SBF2: variants seen among roughly 807,000 people sequenced by gnomAD.
The protein encoded by SBF2 is myotubularin-related protein 13.
In SBF2, 112 loss-of-function variants were observed where a neutral mutation model predicts 225.2. The ratio of observed to expected loss-of-function variants is 0.50; its 90% CI spans 0.43 to 0.58. SBF2 has a LOEUF of 0.58. SBF2 is among the 20% of genes least tolerant of loss of function. The pLI is 0.00. For synonymous variants in SBF2, 763 were observed against 773.3 expected (o/e 0.99, Z 0.22); for missense variants, 1,996 against 2,206.2 (o/e 0.90, Z 1.91).
At chr11:10,062,303 C>T (rs953158555) in intron 2 of SBF2, among the ~76,000 whole-genome samples, 4 of 152,148 alleles carry the variant, frequency 2.6e-5, no homozygotes, top group African/African-American at 9.7e-5. Flanking sequence ...GACGAAGTCA[C>T]CAAAACCAAT....
At chr11:10,209,256 A>C (rs1036386707) in intron 1 of SBF2, among the ~76,000 whole-genome samples, 3 of 152,034 alleles carry the variant, frequency 2.0e-5, no homozygotes, top group Admixed American at 2.0e-4. Context: ...TCTTCTTCCC[A>C]AATACAGTTT....
intron 17 of SBF2, among the ~76,000 whole-genome samples, chr11:9,866,955 C>A (rs992474398): frequency 2.0e-5 from 3 of 151,918 alleles, no homozygotes; most frequent in Non-Finnish European, 2.9e-5. Flanking sequence ...TAAAAATGGT[C>A]GACAGGCATA....
chr11:10,182,932 C>T (rs1333554743), intron 2 of SBF2, among the ~76,000 whole-genome samples: 5 of 152,064 alleles, frequency 3.3e-5, no homozygotes. Context: ...GCCACCACGC[C>T]CAGCTAATTT....
chr11:10,200,208 CT>C (rs1267817826), intron 1 of SBF2, among the ~76,000 whole-genome samples: 1 of 152,188 alleles, frequency 6.6e-6, no homozygotes, highest in Non-Finnish European at 1.5e-5. Context: ...AATTACATTA[CT>C]TCTCTGTGCT....
At chr11:9,977,180 T>C (rs1218925796) in intron 13 of SBF2, among the ~76,000 whole-genome samples, 1 of 152,106 alleles carries the variant, frequency 6.6e-6, no homozygotes, top group Non-Finnish European at 1.5e-5. Flanking sequence ...GTCCTTTATA[T>C]GTGCATATCA....
chr11:9,895,032 T>C (rs773201817), intron 17 of SBF2, among the ~76,000 whole-genome samples: 1 of 152,192 alleles, frequency 6.6e-6, no homozygotes, highest in Non-Finnish European at 1.5e-5. Context: ...TTCAAATTAC[T>C]GGTGTGGTTT....
At position 9,842,760 on chromosome 11, in the gene SBF2, T is replaced by C; in HGVS notation, c.3121A>G (p.Lys1041Glu). ...CTTTTGGCACCTTTCACAATTGTTT[T>C]TGAGAAGGTACTACAAGTCATAAAA... is the stretch of plus-strand genomic sequence containing the variant. ...EKNTSFRTFS[K>E]TIVKGAKRAG... The change falls in exon 25 of 40, where the codon AAA becomes GAA. Residue 1041 changes from lysine to glutamate, a missense_variant. By Grantham distance (56) the Lys-to-Glu change is moderately conservative (BLOSUM62 1). Coordinates refer to ENST00000256190, the MANE Select transcript of SBF2 (RefSeq NM_030962.4). 1.2e-6 allele frequency: 2 copies of C among 1,614,166 alleles called. No homozygotes were observed. Among genetic ancestry groups the C allele is most frequent in the South Asian group, 1.1e-5 (1 of 91,076 alleles).
chr11:9,789,717 C>A (rs577587164), intron 34 of SBF2, among the ~76,000 whole-genome samples: 1 of 152,274 alleles, frequency 6.6e-6, no homozygotes, highest in East Asian at 1.9e-4. Context: ...TAACATGAAT[C>A]ATTATGTATA....
At chr11:10,073,088 A>T (rs1318706885) in intron 2 of SBF2, among the ~76,000 whole-genome samples, 1 of 152,026 alleles carries the variant, frequency 6.6e-6, no homozygotes, top group East Asian at 1.9e-4. Context: ...CTCCTTCAAA[A>T]GGCCAATATA....
chr11:9,965,039 T>C (rs2134373448), intron 14 of SBF2, among the ~76,000 whole-genome samples: 1 of 150,872 alleles, frequency 6.6e-6, no homozygotes, highest in Admixed American at 6.6e-5. Flanking sequence ...CCCAGCCTTC[T>C]GAGTCACCAG....
At chr11:10,230,194 CTA>C (rs1958772465) in intron 1 of SBF2, among the ~76,000 whole-genome samples, 1 of 152,070 alleles carries the variant, frequency 6.6e-6, no homozygotes, top group Admixed American at 6.6e-5. Context: ...TATTTTGAGC[CTA>C]TGTGTGTCGC....
chr11:9,790,725 TCA>T, intron 33 of SBF2, 42 bp from the exon 34 acceptor site: 3 of 1,505,004 alleles, frequency 2.0e-6, no homozygotes, highest in Non-Finnish European at 1.8e-6. Flanking sequence ...TTAAATAAAT[TCA>T]CACTTTGCCA....
intron 32 of SBF2, among the ~76,000 whole-genome samples, chr11:9,800,405 T>C (rs1427468651): frequency 1.3e-5 from 2 of 151,994 alleles, no homozygotes; most frequent in African/African-American, 2.4e-5. Flanking sequence ...TTTATTTATT[T>C]AAATTATTAT....
intron 7 of SBF2, 40 bp downstream of exon 7, chr11:10,002,517 T>C (rs1948013806): frequency 1.3e-6 from 2 of 1,483,516 alleles, no homozygotes; most frequent in African/African-American, 1.4e-5. Flanking sequence ...AAGTGATATG[T>C]AGTTTAGGAA....
rs143617524 is a variant in SBF2, at chr11:9,853,553, A to G, written c.2523T>C (p.His841=). The change falls in exon 20 of 40, where the codon CAT becomes CAC. Residue 841 remains histidine, a synonymous_variant. Coordinates refer to ENST00000256190, the MANE Select transcript of SBF2 (RefSeq NM_030962.4). ...GVTQDHIKSL[H]CMIPGIVAMH... ...CAGAGTGATTACCTGGTATCATGCAATGAAGGCTCTTGATGTGATCCTGAG... is the reference window on the plus strand; with the variant it reads ...CAGAGTGATTACCTGGTATCATGCAGTGAAGGCTCTTGATGTGATCCTGAG... The G allele has an allele frequency of 4.3e-6, 7 of 1,613,942 alleles. No homozygotes were observed. In the African/African-American group the frequency reaches 6.7e-5, roughly 15 times the overall value.
chr11:10,089,540 A>G (rs1951700827), intron 2 of SBF2, among the ~76,000 whole-genome samples: 1 of 152,162 alleles, frequency 6.6e-6, no homozygotes, highest in East Asian at 1.9e-4. Flanking sequence ...CCTTAATTAA[A>G]ATAACTCTAT....
chr11:10,087,874 T>C (rs987724546), intron 2 of SBF2, among the ~76,000 whole-genome samples: 1 of 152,198 alleles, frequency 6.6e-6, no homozygotes, highest in Non-Finnish European at 1.5e-5. Flanking sequence ...TGAATTGGTA[T>C]TTTGAAACAT....
chr11:9,967,992 A>AT (rs1565073558), intron 14 of SBF2, among the ~76,000 whole-genome samples: 270 of 131,490 alleles, frequency 2.1e-3, no homozygotes, highest in South Asian at 4.4e-3. Context: ...TATATATATA[A>AT]AATATATATA....
At chr11:9,933,215 C>A (rs1864630542) in intron 16 of SBF2, among the ~76,000 whole-genome samples, 1 of 152,148 alleles carries the variant, frequency 6.6e-6, no homozygotes, top group African/African-American at 2.4e-5. Flanking sequence ...TAATGGGAGA[C>A]TTCAACACCC....
Sources: allele counts gnomAD v4.1 joint callset (sites outside exome capture counted in the v4.1 genomes callset), GRCh38; gene constraint gnomAD v4.1.1; transcripts MANE v1.5; gene names NCBI Gene and HGNC (gene_info 2026-07-23, HGNC 2026-07-21).